Variants in TXNRD1 observed in about 807,000 individuals in gnomAD.
TXNRD1 encodes the protein thioredoxin reductase 1, also known as thioredoxin reductase 1, cytoplasmic.
A neutral mutation model predicts 80.3 loss-of-function variants in TXNRD1; 57 were observed. The observed-to-expected ratio is 0.71, with a 90% CI of 0.57 to 0.89. The LOEUF (loss-of-function observed/expected upper bound fraction) is 0.89. Ranked by LOEUF, TXNRD1 falls within the 40% of genes least tolerant of loss-of-function variation. The pLI, the probability that TXNRD1 is intolerant of heterozygous loss-of-function variation, is 0.00. For synonymous variants in TXNRD1, 291 were observed against 285.2 expected (o/e 1.02, Z -0.20); for missense variants, 730 against 803.0 (o/e 0.91, Z 1.10).
chr12:104,310,860 C>T (rs1021571907), intron 4 of TXNRD1, among the ~76,000 whole-genome samples: 3 of 152,134 alleles, frequency 2.0e-5, no homozygotes, highest in South Asian at 2.1e-4. Context: ...AGATGTTATG[C>T]CCCAGCCAAA....
At chr12:104,262,860 G>C (rs984038055) in intron 3 of TXNRD1, among the ~76,000 whole-genome samples, 1 of 151,770 alleles carries the variant, frequency 6.6e-6, no homozygotes, top group African/African-American at 2.4e-5. Flanking sequence ...AACTGGATTG[G>C]TAATGGAGTG....
chr12:104,314,445 G>C (rs911927888), intron 6 of TXNRD1, among the ~76,000 whole-genome samples: 1 of 152,150 alleles, frequency 6.6e-6, no homozygotes, highest in Non-Finnish European at 1.5e-5. Context: ...CTTGGTACTA[G>C]GTATATCCCT....
intron 9 of TXNRD1, 110 bp from the exon 10 acceptor site, chr12:104,320,981 A>G (rs1253226952): frequency 2.6e-6 from 2 of 772,046 alleles, no homozygotes; most frequent in Non-Finnish European, 2.1e-6. Context: ...AATGTTTATC[A>G]TCTTGAAAGT....
intron 10 of TXNRD1, among the ~76,000 whole-genome samples, chr12:104,324,015 G>T (rs2035662332): frequency 6.6e-6 from 1 of 152,104 alleles, no homozygotes; most frequent in Non-Finnish European, 1.5e-5. Context: ...TGGGGAGAGG[G>T]TACATTTTGG....
chr12:104,257,069 A>G (rs1276970922), intron 2 of TXNRD1, among the ~76,000 whole-genome samples: 2 of 148,194 alleles, frequency 1.3e-5, no homozygotes, highest in East Asian at 4.0e-4. Context: ...GTATAACTGG[A>G]GGAATATGGT....
At chr12:104,340,580 T>C (rs1419046792) in intron 16 of TXNRD1, among the ~76,000 whole-genome samples, 11 of 152,188 alleles carry the variant, frequency 7.2e-5, no homozygotes, top group Non-Finnish European at 1.6e-4. Context: ...ATGGCAATCC[T>C]TGGCGTTCCT....
chr12:104,258,375 C>T, intron 3 of TXNRD1: 1 of 243,498 alleles, frequency 4.1e-6, no homozygotes, highest in Non-Finnish European at 7.8e-6. Context: ...TTTATGGTAA[C>T]TTTACTTTTG....
At chr12:104,314,929 G>T (rs1251984734) in intron 6 of TXNRD1, among the ~76,000 whole-genome samples, 1 of 151,942 alleles carries the variant, frequency 6.6e-6, no homozygotes, top group Non-Finnish European at 1.5e-5. Context: ...TTTTAGTAGA[G>T]ACAGGGTTTC....
chr12:104,223,852 A>G (rs2032410442), intron 1 of TXNRD1, among the ~76,000 whole-genome samples: 1 of 152,170 alleles, frequency 6.6e-6, no homozygotes, highest in African/African-American at 2.4e-5. Context: ...CAGACTTGCT[A>G]AGGAGTGCTA....
intron 4 of TXNRD1, among the ~76,000 whole-genome samples, chr12:104,303,186 C>A (rs1565888048): frequency 6.6e-6 from 1 of 152,130 alleles, no homozygotes; most frequent in Non-Finnish European, 1.5e-5. Flanking sequence ...ATTGGAGGCT[C>A]CCCCGATCCC....
At chr12:104,251,994 G>A (rs1593708921) in intron 2 of TXNRD1, among the ~76,000 whole-genome samples, 1 of 150,572 alleles carries the variant, frequency 6.6e-6, no homozygotes, top group East Asian at 2.0e-4. Flanking sequence ...AACCCAGGAG[G>A]CAGAGGTTGC....
intron 3 of TXNRD1, among the ~76,000 whole-genome samples, chr12:104,277,235 C>CAA (rs569575459): frequency 0.3 from 42,527 of 141,424 alleles, 7,142 homozygotes; most frequent in East Asian, 0.81. Context: ...ACTAAAAATA[C>CAA]AAAAAAAAAA....
chr12:104,319,639 G>T (rs879311639), intron 9 of TXNRD1, 54 bp downstream of exon 9: 1 of 1,333,602 alleles, frequency 7.5e-7, no homozygotes, highest in East Asian at 2.5e-5. Context: ...TATTGCTTTC[G>T]CATTTTTCTT....
At chr12:104,284,752 A>G (rs1039931731) in intron 3 of TXNRD1, among the ~76,000 whole-genome samples, 1 of 152,206 alleles carries the variant, frequency 6.6e-6, no homozygotes. Flanking sequence ...ATCCAGGAAG[A>G]CTCCCAGAGG....
intron 3 of TXNRD1, among the ~76,000 whole-genome samples, chr12:104,277,023 G>A (rs1042330205): frequency 2.6e-5 from 4 of 152,230 alleles, no homozygotes; most frequent in African/African-American, 9.6e-5. Flanking sequence ...TGAGGTGAGA[G>A]GACTGCTTGA....
intron 4 of TXNRD1, among the ~76,000 whole-genome samples, chr12:104,303,281 T>A (rs1372492075): frequency 6.6e-6 from 1 of 152,240 alleles, no homozygotes; most frequent in Non-Finnish European, 1.5e-5. Flanking sequence ...ATTTGTATAA[T>A]GAGTCCAAAC....
rs928766518 is a variant in TXNRD1 at position 104,348,526 on chromosome 12, C to T, written c.*105C>T. On this transcript the variant is annotated 3_prime_UTR_variant, in exon 17 of 17. Transcript: ENST00000525566. ...AGGGTTCTTGGGCTCTTGGCACCTG[C>T]GTGTCCTGTGCTTACCACCGCCCAA... The T allele has an allele frequency of 1.4e-5, 16 of 1,110,894 alleles. No individual in the cohort carries two copies. The highest frequency in any genetic ancestry group is 9.2e-5 in the South Asian group (7 of 75,926). 68.8% of individuals were successfully genotyped at this position (1,110,894 alleles called of 1,614,324 possible).
chr12:104,325,655 C>A (rs1053515010), intron 11 of TXNRD1, among the ~76,000 whole-genome samples: 1 of 152,042 alleles, frequency 6.6e-6, no homozygotes, highest in Non-Finnish European at 1.5e-5. Flanking sequence ...GGGCAGATCA[C>A]GAGGTCAAGG....
At chr12:104,241,985 C>T (rs1041789957) in intron 1 of TXNRD1, among the ~76,000 whole-genome samples, 1 of 137,476 alleles carries the variant, frequency 7.3e-6, no homozygotes, top group African/African-American at 2.8e-5. Context: ...GTCGCCCAGA[C>T]TAGAGTGCAG....
Sources: allele counts gnomAD v4.1 joint callset (sites outside exome capture counted in the v4.1 genomes callset), GRCh38; gene constraint gnomAD v4.1.1; transcripts MANE v1.5; gene names NCBI Gene and HGNC (gene_info 2026-07-23, HGNC 2026-07-21).